SRGAP2B: variants seen among roughly 807,000 people sequenced by gnomAD.
SRGAP2B encodes SLIT-ROBO Rho GTPase activating protein 2B.
A neutral mutation model predicts 22.2 loss-of-function variants in SRGAP2B; 9 were observed. The observed-to-expected ratio is 0.41, with a 90% CI of 0.24 to 0.71. The LOEUF (loss-of-function observed/expected upper bound fraction) is 0.71, where lower values mean the gene tolerates loss of function less well. Ranked by LOEUF, SRGAP2B falls within the 30% of genes least tolerant of loss-of-function variation. SRGAP2B has a pLI of 0.35. For missense variants in SRGAP2B, 114 were observed against 235.8 expected (o/e 0.48, Z 3.38); for synonymous variants, 36 against 87.4 (o/e 0.41, Z 3.28).
At chr1:145,013,013 G>A (rs1553622507) in intron 2 of SRGAP2B, among the ~76,000 whole-genome samples, 4 of 150,176 alleles carry the variant, frequency 2.7e-5, no homozygotes, top group Non-Finnish European at 5.9e-5. Context: ...AGCCCACAAG[G>A]CAAAGATTGC....
intron 8 of SRGAP2B, among the ~76,000 whole-genome samples, chr1:144,893,942 G>A (rs1447356600): frequency 8.7e-5 from 12 of 137,998 alleles, no homozygotes; most frequent in African/African-American, 2.7e-4. Flanking sequence ...ACTTGCCACT[G>A]CTGGCAGCCA....
intron 1 of SRGAP2B, among the ~76,000 whole-genome samples, chr1:145,094,059 G>C (rs1319212469): frequency 7.4e-6 from 1 of 134,274 alleles, no homozygotes; most frequent in Non-Finnish European, 1.6e-5. Context: ...GATAGGGTCG[G>C]AGCCGGGAAA....
At chr1:144,984,225 C>G (rs1301698676) in intron 3 of SRGAP2B, among the ~76,000 whole-genome samples, 1 of 150,086 alleles carries the variant, frequency 6.7e-6, no homozygotes, top group Non-Finnish European at 1.5e-5. Context: ...GAGGCTGAGG[C>G]AAGAGAATAG....
intron 2 of SRGAP2B, among the ~76,000 whole-genome samples, chr1:145,041,804 T>G (rs1553627636): frequency 6.9e-6 from 1 of 145,160 alleles, no homozygotes; most frequent in African/African-American, 2.8e-5. Context: ...TCCCACACTC[T>G]CACAGTAGTA....
chr1:144,990,706 C>A (rs1446311765), intron 3 of SRGAP2B, among the ~76,000 whole-genome samples: 1 of 150,834 alleles, frequency 6.6e-6, no homozygotes, highest in African/African-American at 2.5e-5. Context: ...AGCTGGAGTT[C>A]CGGGTGGGCT....
intron 2 of SRGAP2B, among the ~76,000 whole-genome samples, chr1:145,009,347 G>C (rs1193337046): frequency 6.7e-6 from 1 of 150,210 alleles, no homozygotes; most frequent in Non-Finnish European, 1.5e-5. Context: ...CCAGCACTTT[G>C]GGAGGCCGAG....
At chr1:144,944,586 C>CAAAAA (rs3061760) in intron 4 of SRGAP2B, among the ~76,000 whole-genome samples, 10 of 17,920 alleles carry the variant, frequency 5.6e-4, no homozygotes, top group African/African-American at 1.8e-3. Context: ...GTCTCCATCT[C>CAAAAA]AAAAAAAAAA....
chr1:145,069,571 A>G, intron 2 of SRGAP2B, among the ~76,000 whole-genome samples: 1 of 84,884 alleles, frequency 1.2e-5, no homozygotes, highest in Middle Eastern at 3.9e-3. Context: ...CCAATAATAC[A>G]TTCAACAGTG....
chr1:144,939,989 T>C (rs1665903133), intron 4 of SRGAP2B, among the ~76,000 whole-genome samples: 1 of 144,578 alleles, frequency 6.9e-6, no homozygotes, highest in Non-Finnish European at 1.5e-5. Context: ...TTCTAGCCTA[T>C]ATGATAATAT....
chr1:145,012,991 G>T (rs1672168970), intron 2 of SRGAP2B, among the ~76,000 whole-genome samples: 1 of 150,564 alleles, frequency 6.6e-6, no homozygotes, highest in Non-Finnish European at 1.5e-5. Context: ...GCCAAGCCAT[G>T]AGAACTGCTT....
intron 4 of SRGAP2B, among the ~76,000 whole-genome samples, chr1:144,933,882 T>C (rs1665403804): frequency 6.6e-6 from 1 of 151,824 alleles, no homozygotes; most frequent in Admixed American, 6.6e-5. Context: ...CTGCTAAGCC[T>C]GAAAGTGGCA....
intron 3 of SRGAP2B, among the ~76,000 whole-genome samples, chr1:144,966,499 C>T (rs1486993671): frequency 2.0e-5 from 3 of 147,210 alleles, no homozygotes; most frequent in Non-Finnish European, 2.9e-5. Flanking sequence ...AAGTGCTAAA[C>T]GTGGAAAGGA....
At chr1:144,994,740 T>C (rs1380981158) in intron 3 of SRGAP2B, among the ~76,000 whole-genome samples, 15 of 149,662 alleles carry the variant, frequency 1.0e-4, no homozygotes, top group Non-Finnish European at 2.1e-4. Flanking sequence ...CTAACATATA[T>C]GTAAAGCCCT....
Position 144,988,692 on chromosome 1 carries a change from G to A in SRGAP2B, c.260+6316C>T, listed in dbSNP as rs587651079. On this transcript the variant is annotated intron_variant, in intron 3 of 9. Transcript: ENST00000612199. The stretch of plus-strand genomic sequence containing the variant: ...CTCCCACAATCACTTTTACTCCGAA[G>A]ATTCTGCTAGCTATCCCCAGTCATA... 2.1e-3 allele frequency among the ~76,000 whole-genome samples: 312 copies of A among 149,032 alleles called. 14 individuals carry two copies. Among genetic ancestry groups the A allele is most frequent in the African/African-American group, 7.7e-3 (303 of 39,186 alleles).
At chr1:144,964,422 T>A (rs1460294689) in intron 3 of SRGAP2B, among the ~76,000 whole-genome samples, 4 of 149,708 alleles carry the variant, frequency 2.7e-5, no homozygotes, top group Non-Finnish European at 5.9e-5. Context: ...ACTCTCTGGG[T>A]GGCTACTGAA....
At chr1:144,984,274 C>T (rs2486522) in intron 3 of SRGAP2B, among the ~76,000 whole-genome samples, 3 of 148,408 alleles carry the variant, frequency 2.0e-5, no homozygotes, top group Non-Finnish European at 4.4e-5. Context: ...GAGCTGAGAT[C>T]GTGCCATTGC....
intron 3 of SRGAP2B, among the ~76,000 whole-genome samples, chr1:144,970,627 C>A: frequency 1.6e-5 from 1 of 60,982 alleles, no homozygotes; most frequent in South Asian, 8.8e-4. Flanking sequence ...TGCACATGTA[C>A]CCTAAAACTT....
intron 2 of SRGAP2B, among the ~76,000 whole-genome samples, chr1:145,000,069 C>A (rs1274724017): frequency 2.8e-5 from 4 of 144,160 alleles, no homozygotes; most frequent in African/African-American, 8.0e-5. Context: ...AAAGGAGGAA[C>A]GGATTCTTGG....
intron 3 of SRGAP2B, among the ~76,000 whole-genome samples, chr1:144,986,017 G>GCTGA (rs1553615889): frequency 2.1e-5 from 3 of 144,248 alleles, no homozygotes; most frequent in African/African-American, 8.1e-5. Context: ...AAAGCCAAAG[G>GCTGA]CTGACAGCGT....
Sources: gnomAD v4.1 joint callset for allele counts (sites outside exome capture counted in the v4.1 genomes callset) on GRCh38, gnomAD v4.1.1 for gene constraint, MANE v1.5 for transcripts, NCBI Gene and HGNC (gene_info 2026-07-23, HGNC 2026-07-21) for gene names.